ABTB2: variants seen among roughly 807,000 people sequenced by gnomAD.
ABTB2 encodes the protein ankyrin repeat and BTB domain containing 2.
In ABTB2, 56 loss-of-function variants were observed where a neutral mutation model predicts 104.1. That is an observed-to-expected ratio of 0.54 (90% CI 0.43 to 0.67). ABTB2 has a LOEUF of 0.67. ABTB2 is among the 30% of genes least tolerant of loss of function. The pLI is 0.00. For missense variants in ABTB2, 1,279 were observed against 1,407.7 expected (o/e 0.91, Z 1.46); for synonymous variants, 606 against 608.2 (o/e 1.00, Z 0.05).
At position 34,229,529 on chromosome 11, in the gene ABTB2, C is replaced by T. The variant is rs546052943; in HGVS notation, c.884-24839G>A. On this transcript the variant is annotated intron_variant, in intron 1 of 16. Transcript: ENST00000435224. ...AATTATTTATTCTTTGCTACCAAATCGGCAGTGACTTCTGTGCTAGAATGG... is the reference window on the plus strand; with the variant it reads ...AATTATTTATTCTTTGCTACCAAATTGGCAGTGACTTCTGTGCTAGAATGG... Among the ~76,000 whole-genome samples, 179 of 151,460 alleles carry T rather than the reference C, an allele frequency of 1.2e-3. 1 individual carries two copies. The highest frequency in any genetic ancestry group is 4.1e-3 in the African/African-American group (169 of 41,326).
intron 1 of ABTB2, among the ~76,000 whole-genome samples, chr11:34,278,083 G>T (rs187096042): frequency 2.6e-5 from 4 of 151,848 alleles, no homozygotes; most frequent in Admixed American, 6.6e-5. Context: ...GATTACAGGC[G>T]TGAGCCACTG....
At chr11:34,295,814 G>C (rs1322717643) in intron 1 of ABTB2, among the ~76,000 whole-genome samples, 1 of 151,720 alleles carries the variant, frequency 6.6e-6, no homozygotes, top group Non-Finnish European at 1.5e-5. Context: ...ATGGCAGAAA[G>C]AGAGCTAAAG....
intron 1 of ABTB2, among the ~76,000 whole-genome samples, chr11:34,275,930 G>A (rs1358874023): frequency 6.6e-6 from 1 of 152,148 alleles, no homozygotes; most frequent in African/African-American, 2.4e-5. Flanking sequence ...TGTCGTCCTG[G>A]AAGTCACACA....
chr11:34,164,845 G>A (rs772190546), intron 8 of ABTB2, 24 bp from the exon 9 acceptor site: 22 of 1,580,864 alleles, frequency 1.4e-5, no homozygotes, highest in Middle Eastern at 3.3e-4. Context: ...TGGGCAGCAC[G>A]GAGGACACTG....
rs1852909463 is a variant in ABTB2 at position 34,173,198 on chromosome 11, G to A, written c.1354C>T (p.Arg452Trp). 28 of 1,613,740 alleles carry A rather than the reference G, an allele frequency of 1.7e-5. No individual in the cohort carries two copies. The highest frequency in any genetic ancestry group is 1.7e-4 in the Middle Eastern group (1 of 6,060). The change falls in exon 4 of 17, where the codon CGG (arginine) becomes TGG (tryptophan). Residue 452 changes from arginine to tryptophan, a missense_variant. By Grantham distance (101) the Arg-to-Trp change is moderately radical. Coordinates refer to ENST00000435224, the MANE Select transcript of ABTB2 (RefSeq NM_145804.3). ...CAGTCCAGACCAGGCAGCAGCAGCCGGGCTGCCTGCCGGATGTCGCCGCTG... is the reference window on the plus strand; with the variant it reads ...CAGTCCAGACCAGGCAGCAGCAGCCAGGCTGCCTGCCGGATGTCGCCGCTG... ...VDSGDIRQAA[R>W]LLLPGLDCEP...
intron 2 of ABTB2, among the ~76,000 whole-genome samples, chr11:34,201,647 C>T (rs551467674): frequency 2.0e-5 from 3 of 152,312 alleles, no homozygotes; most frequent in African/African-American, 7.2e-5. Flanking sequence ...TGCCAAGTAT[C>T]ACTAGCCTCA....
rs563323500 is a variant in ABTB2, at chr11:34,161,044, C to T, written c.2256G>A (p.Leu752=). 1.9e-6 allele frequency: 3 copies of T among 1,612,732 alleles called. No individual in the cohort carries two copies. The South Asian group carries it at 3.3e-5, about 18-fold the overall frequency. Residue 752 remains leucine (L), a synonymous_variant, in exon 11 of 17, where the codon CTG becomes CTA. Transcript: ENST00000435224. The stretch of plus-strand genomic sequence containing the variant: ...ACCGCGACTGCGAGAACGAGGTCCT[C>T]AGAGACTCGATCCAGATGTGCAGCT... ...PWKLHIWIES[L]RTSFSQSRYS...
chr11:34,232,363 G>A (rs1482139118), intron 1 of ABTB2, among the ~76,000 whole-genome samples: 1 of 150,508 alleles, frequency 6.6e-6, no homozygotes, highest in Admixed American at 6.7e-5. Flanking sequence ...GGCATGAGAA[G>A]CACTTGAACC....
intron 1 of ABTB2, among the ~76,000 whole-genome samples, chr11:34,302,649 T>TA (rs1226596160): frequency 2.0e-5 from 3 of 152,188 alleles, no homozygotes; most frequent in African/African-American, 7.2e-5. Context: ...TTTGTGGCTT[T>TA]AAAAAATACC....
chr11:34,166,136 C>T (rs942658921), intron 7 of ABTB2, among the ~76,000 whole-genome samples: 1 of 152,230 alleles, frequency 6.6e-6, no homozygotes. Context: ...CTGGAGGGAG[C>T]AACCTTCCAG....
At position 34,252,825 on chromosome 11, in the gene ABTB2, G is replaced by A. The variant is rs1314535657; in HGVS notation, c.884-48135C>T. 6.6e-6 allele frequency among the ~76,000 whole-genome samples: 1 copy of A among 151,960 alleles called. No individual in the cohort carries two copies. The highest frequency in any genetic ancestry group is 1.5e-5 in the Non-Finnish European group (1 of 67,960). ...TCCCAGCTGGGCCAGAGGAGGCTGG[G>A]GGACCTCCTGGGAGCTTGGACACCT... is the stretch of plus-strand genomic sequence containing the variant. On this transcript the variant is annotated intron_variant, in intron 1 of 16. Transcript: ENST00000435224. This position sits in a 1 kb window ranked among gnomAD's most constrained non-coding sequence, Gnocchi z 5.5.
chr11:34,234,175 A>G (rs1427628074), intron 1 of ABTB2, among the ~76,000 whole-genome samples: 2 of 152,038 alleles, frequency 1.3e-5, no homozygotes, highest in Non-Finnish European at 2.9e-5. Context: ...GGGTGGGGGC[A>G]AGGGTAAGAG....
intron 1 of ABTB2, among the ~76,000 whole-genome samples, chr11:34,354,565 G>A (rs1855440559): frequency 6.6e-6 from 1 of 152,134 alleles, no homozygotes; most frequent in Non-Finnish European, 1.5e-5. Flanking sequence ...GCTGACCCTA[G>A]ATAAGAAATA....
At chr11:34,334,742 C>G (rs570163126) in intron 1 of ABTB2, among the ~76,000 whole-genome samples, 3 of 149,434 alleles carry the variant, frequency 2.0e-5, no homozygotes, top group African/African-American at 7.4e-5. Flanking sequence ...CTGTAATGTA[C>G]TCCTTCAGCA....
chr11:34,297,796 G>GAAAACCAAAT (rs1554923796), intron 1 of ABTB2, among the ~76,000 whole-genome samples: 8 of 123,070 alleles, frequency 6.5e-5, no homozygotes, highest in Non-Finnish European at 8.4e-5. Context: ...AAAAATAAAG[G>GAAAACCAAAT]AAAGAAAAAG....
chr11:34,168,461 T>C (rs1852831575), intron 5 of ABTB2, among the ~76,000 whole-genome samples: 1 of 152,200 alleles, frequency 6.6e-6, no homozygotes, highest in Admixed American at 6.5e-5. Context: ...AACACTCTCA[T>C]GGCTACTATG....
chr11:34,195,947 T>C (rs1185978337), intron 3 of ABTB2, among the ~76,000 whole-genome samples: 2 of 152,150 alleles, frequency 1.3e-5, no homozygotes, highest in Non-Finnish European at 2.9e-5. Flanking sequence ...ACTTCCAATA[T>C]TGAGGTCTCA....
At chr11:34,226,424 G>A (rs1210813465) in intron 1 of ABTB2, among the ~76,000 whole-genome samples, 1 of 152,124 alleles carries the variant, frequency 6.6e-6, no homozygotes, top group Non-Finnish European at 1.5e-5. Context: ...TCCTTAAGGA[G>A]CAATGAACAA....
chr11:34,180,374 T>G, intron 3 of ABTB2, among the ~76,000 whole-genome samples: 1 of 152,074 alleles, frequency 6.6e-6, no homozygotes, highest in Non-Finnish European at 1.5e-5. Context: ...GTCATGAACG[T>G]GTGTGGTGGC....
Sources: gnomAD v4.1 joint callset for allele counts (sites outside exome capture counted in the v4.1 genomes callset) on GRCh38, gnomAD v4.1.1 for gene constraint, Gnocchi (gnomAD v3.1) non-coding constraint, MANE v1.5 for transcripts, NCBI Gene and HGNC (gene_info 2026-07-23, HGNC 2026-07-21) for gene names.